The following AFAP1 variants were observed in gnomAD, a reference collection of about 807,000 sequenced individuals.
AFAP1 encodes actin filament associated protein 1.
Under a neutral mutation model 93.9 loss-of-function variants are expected in AFAP1, and 75 were observed. That is an observed-to-expected ratio of 0.80 (90% CI 0.66 to 0.97). The LOEUF (loss-of-function observed/expected upper bound fraction) is 0.97, where lower values mean the gene tolerates loss of function less well. Among genes scored for constraint, AFAP1 ranks in the 50% least tolerant of loss-of-function variants. The pLI, the probability that AFAP1 is intolerant of heterozygous loss-of-function variation, is 0.00. For synonymous variants in AFAP1, 517 were observed against 430.7 expected, an observed-to-expected ratio of 1.20 and a Z score of -2.48; for missense variants, 1,201 against 1,050.8, an observed-to-expected ratio of 1.14 and a Z score of -1.98.
intron 8 of AFAP1, among the ~76,000 whole-genome samples, chr4:7,812,067 C>T (rs894017544): frequency 1.3e-4 from 19 of 151,972 alleles, no homozygotes; most frequent in African/African-American, 4.1e-4. Context: ...CAGGGAGCGG[C>T]GGCTAGGACA....
intron 4 of AFAP1, among the ~76,000 whole-genome samples, chr4:7,852,647 A>T (rs1418819212): frequency 6.6e-6 from 1 of 152,086 alleles, no homozygotes; most frequent in East Asian, 1.9e-4. Flanking sequence ...ACCACGACCA[A>T]CCAAGGGGTT....
At chr4:7,889,583 AAAACT>A (rs1364814764) in intron 1 of AFAP1, among the ~76,000 whole-genome samples, 1 of 151,336 alleles carries the variant, frequency 6.6e-6, no homozygotes, top group Non-Finnish European at 1.5e-5. Context: ...CATACATATA[AAAACT>A]AAAGTTTTTC....
chr4:7,763,284 T>A lies in AFAP1; in HGVS notation c.*481A>T, dbSNP rs1714070750. Reference sequence around the variant, plus strand: ...ACAAAGTCCACGTCAGGACTGCGTATGCCCCTGGCCCTCCTGGTGGGCGTG... The same window carrying A: ...ACAAAGTCCACGTCAGGACTGCGTAAGCCCCTGGCCCTCCTGGTGGGCGTG... On this transcript the variant is annotated 3_prime_UTR_variant, in exon 18 of 18. Transcript: ENST00000420658. 2 of 165,872 alleles carry A rather than the reference T, an allele frequency of 1.2e-5. No individual in the cohort carries two copies. The highest frequency in any genetic ancestry group is 6.0e-5 in the Admixed American group (1 of 16,562). The allele number at this position is 165,872 out of a possible 1,614,324, so 10.3% of individuals were successfully genotyped here. A position where few individuals can be genotyped will look rare whatever the true frequency, so the allele number is the denominator to read the frequency against.
intron 3 of AFAP1, among the ~76,000 whole-genome samples, chr4:7,868,146 G>T (rs1041276714): frequency 1.3e-5 from 2 of 150,168 alleles, no homozygotes; most frequent in Non-Finnish European, 3.0e-5. Flanking sequence ...ATACATTCCC[G>T]AAATATGTAC....
chr4:7,827,568 C>CAA (rs1560183870), intron 6 of AFAP1, among the ~76,000 whole-genome samples: 1 of 13,390 alleles, frequency 7.5e-5, no homozygotes, highest in African/African-American at 7.3e-4. Flanking sequence ...AACTCTGTCT[C>CAA]CAAAAAAAAA....
rs1195587196 is a variant in AFAP1, at chr4:7,759,071, C to T, written c.*4694G>A. On this transcript the variant is annotated 3_prime_UTR_variant, in exon 18 of 18. Coordinates refer to ENST00000420658, the MANE Select transcript of AFAP1 (RefSeq NM_001134647.2). ...AAAAAATACAATAAGGAAATAATTA[C>T]ATTCTTAATATGAAAACATTTTACA... 3 of 152,576 alleles carry T rather than the reference C, an allele frequency of 2.0e-5. No homozygotes were observed. Among genetic ancestry groups the T allele is most frequent in the South Asian group, 2.1e-4 (1 of 4,824 alleles). 9.5% of individuals were successfully genotyped at this position (152,576 alleles called of 1,614,324 possible).
At chr4:7,915,416 C>T (rs940300080) in intron 1 of AFAP1, among the ~76,000 whole-genome samples, 10 of 151,536 alleles carry the variant, frequency 6.6e-5, no homozygotes, top group East Asian at 1.9e-4. Flanking sequence ...GTACTCAGAA[C>T]GCTGAGAAAG....
At chr4:7,895,262 T>C (rs775302042) in intron 1 of AFAP1, among the ~76,000 whole-genome samples, 7 of 152,228 alleles carry the variant, frequency 4.6e-5, no homozygotes, top group Non-Finnish European at 8.8e-5. Context: ...AAAACGAGGA[T>C]CATCAGAGGC....
intron 16 of AFAP1, 142 bp downstream of exon 16, chr4:7,772,678 A>G (rs956443101): frequency 2.8e-6 from 2 of 720,408 alleles, no homozygotes; most frequent in African/African-American, 3.6e-5. Flanking sequence ...TGATGCTAAC[A>G]CATGAACTGT....
intron 11 of AFAP1, among the ~76,000 whole-genome samples, chr4:7,789,810 C>A (rs1717697913): frequency 6.6e-6 from 1 of 152,258 alleles, no homozygotes; most frequent in African/African-American, 2.4e-5. Context: ...TTCTCTTCAT[C>A]CTCCCAACTG....
At chr4:7,773,313 A>G (rs1715699066) in intron 15 of AFAP1, 3 of 338,842 alleles carry the variant, frequency 8.9e-6, no homozygotes, top group African/African-American at 2.1e-5. Context: ...CGTGGACCCT[A>G]AACTCCACAG....
intron 3 of AFAP1, among the ~76,000 whole-genome samples, chr4:7,859,633 C>T (rs1185193963): frequency 6.6e-6 from 1 of 152,146 alleles, no homozygotes; most frequent in African/African-American, 2.4e-5. Flanking sequence ...GTAAAAGCTC[C>T]TAAACTTTTA....
At chr4:7,843,109 A>G (rs370848914) in intron 5 of AFAP1, 30 bp downstream of exon 5, 61 of 1,608,028 alleles carry the variant, frequency 3.8e-5, no homozygotes, top group Non-Finnish European at 2.1e-5. Flanking sequence ...GCAATCTTAC[A>G]AAAAATGCAA....
At chr4:7,807,288 C>T (rs566044850) in intron 9 of AFAP1, among the ~76,000 whole-genome samples, 2 of 152,316 alleles carry the variant, frequency 1.3e-5, no homozygotes, top group East Asian at 3.9e-4. Context: ...TATTGAATCC[C>T]TAATTCCCGC....
chr4:7,915,451 C>T (rs917428042), intron 1 of AFAP1, among the ~76,000 whole-genome samples: 9 of 149,930 alleles, frequency 6.0e-5, no homozygotes, highest in Admixed American at 1.3e-4. Flanking sequence ...CCTAGACCAG[C>T]CCAGGCAACA....
intron 1 of AFAP1, among the ~76,000 whole-genome samples, chr4:7,881,344 C>T (rs1452485103): frequency 2.6e-5 from 4 of 152,090 alleles, no homozygotes; most frequent in Non-Finnish European, 4.4e-5. Context: ...CATGGCATCA[C>T]CTCCCTGACC....
chr4:7,768,996 G>A lies in AFAP1; in HGVS notation c.2266C>T (p.Arg756Trp), dbSNP rs2285761. Residue 756 changes from arginine (R) to tryptophan (W), a missense_variant, in exon 17 of 18, where the codon CGG becomes TGG. Physicochemically the swap from Arg to Trp is moderately radical, Grantham distance 101. Coordinates refer to ENST00000420658, the MANE Select transcript of AFAP1 (RefSeq NM_001134647.2). ...GTSSPQSPVF[R>W]HRTLENSPIS... ...GGCGAGTTTTCCAGGGTCCGGTGCC[G>A]GAACACTGGAGACTTAACGGAGAGA... The A allele has an allele frequency of 2.7e-5, 43 of 1,610,712 alleles. No individual in the cohort carries two copies. Among genetic ancestry groups the A allele is most frequent in the African/African-American group, 8.0e-5 (6 of 74,832 alleles).
At chr4:7,810,685 TA>T (rs1004625715) in intron 8 of AFAP1, among the ~76,000 whole-genome samples, 1 of 152,190 alleles carries the variant, frequency 6.6e-6, no homozygotes, top group Non-Finnish European at 1.5e-5. Flanking sequence ...ACATTGTGCA[TA>T]AAAATGATGC....
At chr4:7,809,228 G>A (rs1281246122) in intron 9 of AFAP1, among the ~76,000 whole-genome samples, 2 of 143,596 alleles carry the variant, frequency 1.4e-5, no homozygotes, top group Admixed American at 7.2e-5. Flanking sequence ...ACCCCACTTA[G>A]TTTTATCACT....
Sources: allele counts gnomAD v4.1 joint callset (sites outside exome capture counted in the v4.1 genomes callset), GRCh38; gene constraint gnomAD v4.1.1; transcripts MANE v1.5; gene names NCBI Gene and HGNC (gene_info 2026-07-23, HGNC 2026-07-21).